Variants in PRDM16 observed in about 807,000 individuals in gnomAD.
PRDM16 encodes the protein PR/SET domain 16.
In PRDM16, 23 loss-of-function variants were observed where a neutral mutation model predicts 110.6. The observed-to-expected ratio is 0.21, with a 90% confidence interval of 0.15 to 0.29. The LOEUF is 0.29. PRDM16 is among the 10% of genes least tolerant of loss of function. The pLI is 1.00. For synonymous variants in PRDM16, 799 were observed against 781.8 expected (o/e 1.02, Z -0.37); for missense variants, 1,615 against 1,794.3 (o/e 0.90, Z 1.81).
rs147358661 is a variant in PRDM16, at chr1:3,219,381, C to T, written c.388-24706C>T. On this transcript the variant is annotated intron_variant, in intron 2 of 16. Transcript: ENST00000270722. ...CAGAAACCAGATTGACTGGCCACAG[C>T]GCTAAATTACTCACACAAGACACAC... Among the ~76,000 whole-genome samples, 25 of 152,284 alleles carry T rather than the reference C, an allele frequency of 1.6e-4. No homozygotes were observed. The East Asian group carries it at 3.9e-3, about 24-fold the overall frequency.
chr1:3,092,047 C>G (rs1326462063), intron 1 of PRDM16, among the ~76,000 whole-genome samples: 1 of 152,218 alleles, frequency 6.6e-6, no homozygotes, highest in East Asian at 1.9e-4. Flanking sequence ...TAAGATGGAG[C>G]CAGCCGTGGG....
chr1:3,375,102 AG>A (rs1205377654), intron 3 of PRDM16, among the ~76,000 whole-genome samples: 1 of 152,172 alleles, frequency 6.6e-6, no homozygotes, highest in Non-Finnish European at 1.5e-5. Flanking sequence ...CTAGCTCCAA[AG>A]GGGGGACACC....
chr1:3,241,648 A>G (rs1639677072), intron 2 of PRDM16, among the ~76,000 whole-genome samples: 1 of 152,246 alleles, frequency 6.6e-6, no homozygotes, highest in African/African-American at 2.4e-5. Flanking sequence ...GACCAAGCCC[A>G]CGTCAGACTC....
At chr1:3,389,771 A>G (rs1166114953) in intron 4 of PRDM16, among the ~76,000 whole-genome samples, 2 of 152,206 alleles carry the variant, frequency 1.3e-5, no homozygotes, top group East Asian at 1.9e-4. Context: ...ATCCCTGCAC[A>G]CAGCTGCGGG....
chr1:3,418,729 G>A lies in PRDM16; in HGVS notation c.2924G>A (p.Gly975Glu). Residue 975 changes from glycine to glutamate, a missense_variant, in exon 12 of 17, where the codon GGG becomes GAG. Gly to Glu is a moderately conservative substitution (Grantham distance 98). Coordinates refer to ENST00000270722, the MANE Select transcript of PRDM16 (RefSeq NM_022114.4). ...ACCAGACACCTGAGGACGCACACTGGGGAGCAGCCGTACAGGTAGGTGCTG... is the reference window on the plus strand; with the variant it reads ...ACCAGACACCTGAGGACGCACACTGAGGAGCAGCCGTACAGGTAGGTGCTG... ...NLTRHLRTHTGEQPYRCKYCD... is the reference protein window; with the variant it reads ...NLTRHLRTHTEEQPYRCKYCD... The A allele has an allele frequency of 6.2e-7, 1 of 1,613,664 alleles. No individual in the cohort carries two copies.
rs1219036601 is a variant in PRDM16, at chr1:3,436,385, C to T, written c.*2574C>T. On this transcript the variant is annotated 3_prime_UTR_variant, in exon 17 of 17. Coordinates refer to ENST00000270722, the MANE Select transcript of PRDM16 (RefSeq NM_022114.4). ...CTAACCGTCCTGTCTTCTCTTGGCG[C>T]TCTTTCCTTCCACCTTTCCCAAGAG... is the stretch of plus-strand genomic sequence containing the variant. 2 of 230,378 alleles carry T rather than the reference C, an allele frequency of 8.7e-6. No homozygotes were observed. Among genetic ancestry groups the T allele is most frequent in the Admixed American group, 5.7e-5 (1 of 17,668 alleles). 14.3% of individuals were successfully genotyped at this position (230,378 alleles called of 1,614,324 possible).
intron 1 of PRDM16, among the ~76,000 whole-genome samples, chr1:3,140,386 G>A (rs1426013188): frequency 1.3e-5 from 2 of 152,160 alleles, no homozygotes; most frequent in African/African-American, 2.4e-5. Flanking sequence ...CTCAGGATGA[G>A]CGCAGAGGCC....
intron 3 of PRDM16, among the ~76,000 whole-genome samples, chr1:3,336,767 G>T (rs1242949295): frequency 1.3e-5 from 2 of 150,752 alleles, no homozygotes; most frequent in Non-Finnish European, 3.0e-5. Context: ...CATGTGTGTT[G>T]GTGTGAATCT....
In PRDM16 at chr1:3,437,396, T is replaced by C. The variant is rs111606901; in HGVS notation, c.*3585T>C. 3,246 of 231,602 alleles carry C rather than the reference T, an allele frequency of 0.014. 109 individuals carry two copies. Among genetic ancestry groups the C allele is most frequent in the African/African-American group, 0.068 (3,067 of 45,272 alleles). 14.3% of individuals were successfully genotyped at this position (231,602 alleles called of 1,614,324 possible). A position where few individuals can be genotyped will look rare whatever the true frequency, so the allele number is the denominator to read the frequency against. On this transcript the variant is annotated 3_prime_UTR_variant, in exon 17 of 17. Transcript: ENST00000270722. ...AGACTCGAAGCCTCAAAGCACTGGA[T>C]TGTGGTCCCCTGCCCCCTCTGTCCC...
intron 3 of PRDM16, among the ~76,000 whole-genome samples, chr1:3,297,054 G>A (rs573897088): frequency 2.0e-5 from 3 of 152,248 alleles, no homozygotes; most frequent in South Asian, 2.1e-4. Context: ...TAATGGCTGC[G>A]TGGGCCCTCA....
chr1:3,213,191 T>A lies in PRDM16; in HGVS notation c.387+26717T>A, dbSNP rs911537842. Reference sequence around the variant, plus strand: ...AGCAACAGAAACACAGATTTGGAGATCCCCAAATTAGCCAATAAACACCAC... The same window carrying A: ...AGCAACAGAAACACAGATTTGGAGAACCCCAAATTAGCCAATAAACACCAC... On this transcript the variant is annotated intron_variant, in intron 2 of 16. Transcript: ENST00000270722. This position sits in a 1 kb window ranked among gnomAD's most constrained non-coding sequence, Gnocchi z 5.3. Among the ~76,000 whole-genome samples, 7 of 152,204 alleles carry A rather than the reference T, an allele frequency of 4.6e-5. No individual in the cohort carries two copies. The highest frequency in any genetic ancestry group is 3.4e-3 in the Middle Eastern group (1 of 294).
chr1:3,231,239 C>T (rs771770828), intron 2 of PRDM16, among the ~76,000 whole-genome samples: 3 of 152,228 alleles, frequency 2.0e-5, no homozygotes, highest in Non-Finnish European at 4.4e-5. Flanking sequence ...AGGTTAATCG[C>T]CACAAGAGGC....
intron 16 of PRDM16, among the ~76,000 whole-genome samples, 178 bp from the exon 17 acceptor site, chr1:3,433,491 CTGGGATGG>C (rs1202432258): frequency 7.9e-4 from 116 of 146,046 alleles, no homozygotes; most frequent in Non-Finnish European, 1.4e-3. Flanking sequence ...TGCTGCCTGT[CTGGGATGG>C]CCCGCCCTGC....
chr1:3,332,229 T>C (rs1235096978), intron 3 of PRDM16, among the ~76,000 whole-genome samples: 2 of 152,280 alleles, frequency 1.3e-5, no homozygotes, highest in Non-Finnish European at 2.9e-5. Flanking sequence ...GGTAATGAGA[T>C]TCTGCCACGC....
intron 16 of PRDM16, 25 bp from the exon 17 acceptor site, chr1:3,433,652 G>A (rs1163186006): frequency 6.2e-7 from 1 of 1,606,458 alleles, no homozygotes. Context: ...CCTGTCCTGT[G>A]TGTGTGTCAT....
rs561450414 is a variant in PRDM16, at chr1:3,290,786, C to T, written c.438+46649C>T. On this transcript the variant is annotated intron_variant, in intron 3 of 16. Coordinates refer to ENST00000270722, the MANE Select transcript of PRDM16 (RefSeq NM_022114.4). The surrounding 1 kb of genome is among the most constrained non-coding windows in gnomAD (Gnocchi z 4.8). Reference sequence around the variant, plus strand: ...GCAGAGTTTCCCGAGGCAGGCCCTACGAGATCCCTGAAACGGGATACGCCG... The same window carrying T: ...GCAGAGTTTCCCGAGGCAGGCCCTATGAGATCCCTGAAACGGGATACGCCG... 4.3e-4 allele frequency among the ~76,000 whole-genome samples: 65 copies of T among 152,130 alleles called. No homozygotes were observed. Among genetic ancestry groups the T allele is most frequent in the South Asian group, 6.2e-4 (3 of 4,828 alleles).
intron 1 of PRDM16, among the ~76,000 whole-genome samples, chr1:3,181,169 T>TACAC (rs1189104839): frequency 7.0e-4 from 13 of 18,534 alleles, no homozygotes; most frequent in South Asian, 4.2e-3. Flanking sequence ...CACGCGGTCT[T>TACAC]ACGGTCTTAC....
At chr1:3,284,532 C>A (rs1037247178) in intron 3 of PRDM16, among the ~76,000 whole-genome samples, 1 of 152,266 alleles carries the variant, frequency 6.6e-6, no homozygotes, top group Middle Eastern at 3.4e-3. Flanking sequence ...GGCACTGTCG[C>A]CGTGAAGCCT....
chr1:3,283,683 A>G (rs1199566088), intron 3 of PRDM16, among the ~76,000 whole-genome samples: 1 of 152,094 alleles, frequency 6.6e-6, no homozygotes. Flanking sequence ...GCGAAGGGTT[A>G]TGGGGACCAG....
Sources: allele counts gnomAD v4.1 joint callset (sites outside exome capture counted in the v4.1 genomes callset), GRCh38; gene constraint gnomAD v4.1.1; non-coding constraint Gnocchi (gnomAD v3.1); transcripts MANE v1.5; gene names NCBI Gene and HGNC (gene_info 2026-07-23, HGNC 2026-07-21).